The following GAREM1 variants were observed in gnomAD, a reference collection of about 807,000 sequenced individuals.
The protein encoded by GAREM1 is GRB2 associated regulator of MAPK1 subtype 1.
In GAREM1, 26 loss-of-function variants were observed where a neutral mutation model predicts 71.3. That is an observed-to-expected ratio of 0.36 (90% CI 0.27 to 0.51). The LOEUF is 0.51. Among genes scored for constraint, GAREM1 ranks in the 20% least tolerant of loss-of-function variants. The pLI is 0.95. For synonymous variants in GAREM1, 440 were observed against 433.2 expected (o/e 1.02, Z -0.20); for missense variants, 1,026 against 1,103.1 (o/e 0.93, Z 0.99).
chr18:32,268,692 C>G lies in GAREM1; in HGVS notation c.1810G>C (p.Asp604His). 1 of 1,614,150 alleles carries G rather than the reference C, an allele frequency of 6.2e-7. No homozygotes were observed. Among genetic ancestry groups the G allele is most frequent in the Non-Finnish European group, 8.5e-7 (1 of 1,180,006 alleles). The part of the protein sequence containing the change: ...SCYPCNRVKT[D>H]SVDLKSPFGS... The stretch of plus-strand genomic sequence containing the variant: ...AACGGGGATTTCAGGTCCACAGAAT[C>G]AGTTTTCACTCGGTTACATGGATAG... The change falls in exon 6 of 6, where the codon GAT becomes CAT. Residue 604 changes from aspartate (D) to histidine (H), a missense_variant. Asp to His is a moderately conservative substitution (Grantham distance 81). Transcript: ENST00000269209.
chr18:32,320,841 C>T (rs1484423547), intron 2 of GAREM1, among the ~76,000 whole-genome samples: 1 of 152,164 alleles, frequency 6.6e-6, no homozygotes, highest in Admixed American at 6.6e-5. Flanking sequence ...TGGTTAATTG[C>T]TTCTTCAGAA....
At chr18:32,443,655 C>T (rs1293215036) in intron 1 of GAREM1, among the ~76,000 whole-genome samples, 1 of 152,114 alleles carries the variant, frequency 6.6e-6, no homozygotes, top group Non-Finnish European at 1.5e-5. Flanking sequence ...GAAACTGGAA[C>T]CTTACACATT....
rs952369759 is a variant in GAREM1, at chr18:32,407,120, C to T, written c.122-14085G>A. On this transcript the variant is annotated intron_variant, in intron 1 of 5. Transcript: ENST00000269209. ...GTGCCTACGTTTCTACTCTCATTCA[C>T]TTCAACAATCCGCCCATTACTGGGT... 2.0e-5 allele frequency among the ~76,000 whole-genome samples: 3 copies of T among 152,350 alleles called. No homozygotes were observed. The South Asian group carries it at 6.2e-4, about 32-fold the overall frequency.
chr18:32,439,454 A>C (rs1599048843), intron 1 of GAREM1, among the ~76,000 whole-genome samples: 1 of 152,248 alleles, frequency 6.6e-6, no homozygotes, highest in African/African-American at 2.4e-5. Context: ...TGATTGCTTA[A>C]GTCAATTTAC....
Position 32,446,963 on chromosome 18 carries a change from C to T in GAREM1, c.121+23345G>A, listed in dbSNP as rs151190489. Among the ~76,000 whole-genome samples the T allele has an allele frequency of 8.3e-4, 126 of 152,318 alleles. 1 individual carries two copies. The highest frequency in any genetic ancestry group is 2.9e-3 in the Admixed American group (44 of 15,288). On this transcript the variant is annotated intron_variant, in intron 1 of 5. Coordinates refer to ENST00000269209, the MANE Select transcript of GAREM1 (RefSeq NM_001242409.2). ...TGAGCAGCAGTATCTTATTAAAGAACGTTTACTGTATACATCATCCCAGCA... is the reference window on the plus strand; with the variant it reads ...TGAGCAGCAGTATCTTATTAAAGAATGTTTACTGTATACATCATCCCAGCA...
chr18:32,467,336 T>C (rs186524340), intron 1 of GAREM1, among the ~76,000 whole-genome samples: 2 of 152,182 alleles, frequency 1.3e-5, no homozygotes, highest in Non-Finnish European at 2.9e-5. Context: ...AGTGAACCTA[T>C]TTAGAGCAGA....
chr18:32,407,132 G>A (rs1009559148), intron 1 of GAREM1, among the ~76,000 whole-genome samples: 1 of 152,126 alleles, frequency 6.6e-6, no homozygotes, highest in Admixed American at 6.5e-5. Flanking sequence ...TCAACAATCC[G>A]CCCATTACTG....
intron 2 of GAREM1, among the ~76,000 whole-genome samples, chr18:32,329,308 T>C (rs888849377): frequency 8.6e-5 from 13 of 151,960 alleles, no homozygotes; most frequent in African/African-American, 2.4e-5. Context: ...CCCAGGAGTT[T>C]GAGGCTGCAG....
intron 1 of GAREM1, among the ~76,000 whole-genome samples, chr18:32,462,167 T>C (rs1489719304): frequency 6.6e-6 from 1 of 152,232 alleles, no homozygotes; most frequent in Non-Finnish European, 1.5e-5. Flanking sequence ...GGTAATTCTA[T>C]TTTGAATTTT....
intron 2 of GAREM1, among the ~76,000 whole-genome samples, chr18:32,390,041 CA>C (rs779274498): frequency 5.0e-4 from 76 of 152,090 alleles, no homozygotes; most frequent in Non-Finnish European, 6.0e-4. Flanking sequence ...GTGCCAGGTA[CA>C]AGCCTGTAGT....
intron 4 of GAREM1, 61 bp downstream of exon 4, chr18:32,286,970 T>G: frequency 8.2e-7 from 1 of 1,224,316 alleles, no homozygotes; most frequent in Non-Finnish European, 1.2e-6. Flanking sequence ...AATAAATTAG[T>G]GGATGACTGA....
At chr18:32,323,668 C>T (rs1178535170) in intron 2 of GAREM1, among the ~76,000 whole-genome samples, 1 of 152,254 alleles carries the variant, frequency 6.6e-6, no homozygotes, top group Middle Eastern at 3.4e-3. Flanking sequence ...AAAATTGCGC[C>T]ACTGCACTCC....
chr18:32,354,488 C>T (rs931603848), intron 2 of GAREM1, among the ~76,000 whole-genome samples: 1 of 152,100 alleles, frequency 6.6e-6, no homozygotes, highest in Non-Finnish European at 1.5e-5. Context: ...ACCAGCACTC[C>T]CAGATGAGTG....
intron 1 of GAREM1, among the ~76,000 whole-genome samples, chr18:32,456,818 GAA>G (rs1191682322): frequency 6.6e-6 from 1 of 152,054 alleles, no homozygotes; most frequent in Non-Finnish European, 1.5e-5. Context: ...GTCAATAAAA[GAA>G]TGAGTATTTT....
In GAREM1 at chr18:32,310,266, T is replaced by A. The variant is rs200207547; in HGVS notation, c.320A>T (p.Asn107Ile). ...RDIKEPVQYF[N>I]SVEEVAKAFP... The stretch of plus-strand genomic sequence containing the variant: ...TGCCTTAGCCACCTCCTCCACACTG[T>A]TGAAATATTGCACTGGCTCCTTTAT... Residue 107 changes from asparagine to isoleucine, a missense_variant, in exon 3 of 6, where the codon AAC becomes ATC. Asn to Ile is a moderately radical substitution (Grantham distance 149, BLOSUM62 -3). Around this residue, in one of 3 missense-constraint regions of GAREM1, gnomAD observed 172 missense variants for 175.2 expected, o/e 0.98. Transcript: ENST00000269209. 6.2e-7 allele frequency: 1 copy of A among 1,614,164 alleles called. No individual in the cohort carries two copies. Among genetic ancestry groups the A allele is most frequent in the East Asian group, 2.2e-5 (1 of 44,874 alleles).
chr18:32,399,090 T>C (rs2048286279), intron 1 of GAREM1, among the ~76,000 whole-genome samples: 2 of 152,224 alleles, frequency 1.3e-5, no homozygotes, highest in South Asian at 4.1e-4. Context: ...TCTCAACAGA[T>C]GCAGAAAAGG....
At chr18:32,291,382 TA>T (rs1488415138) in intron 3 of GAREM1, among the ~76,000 whole-genome samples, 1 of 151,678 alleles carries the variant, frequency 6.6e-6, no homozygotes, top group Non-Finnish European at 1.5e-5. Flanking sequence ...ACTGGTTACT[TA>T]CTGGAGCTAG....
At chr18:32,388,063 C>A (rs1216260279) in intron 2 of GAREM1, among the ~76,000 whole-genome samples, 1 of 152,042 alleles carries the variant, frequency 6.6e-6, no homozygotes, top group African/African-American at 2.4e-5. Context: ...ATGGTTGTTA[C>A]CTATGCCAGA....
At chr18:32,387,720 G>T (rs1360239001) in intron 2 of GAREM1, among the ~76,000 whole-genome samples, 1 of 152,126 alleles carries the variant, frequency 6.6e-6, no homozygotes. Flanking sequence ...GATAATTTCA[G>T]AATTCAGAAT....
Sources: gnomAD v4.1 joint callset for allele counts (sites outside exome capture counted in the v4.1 genomes callset) on GRCh38, gnomAD v4.1.1 for gene constraint, gnomAD v4.1.1 regional missense constraint, MANE v1.5 for transcripts, NCBI Gene and HGNC (gene_info 2026-07-23, HGNC 2026-07-21) for gene names.